Variants in NTRK2 observed in about 807,000 individuals in gnomAD.
The protein encoded by NTRK2 is BDNF/NT-3 growth factors receptor.
Under a neutral mutation model 94.5 loss-of-function variants are expected in NTRK2, and 13 were observed. The ratio of observed to expected loss-of-function variants is 0.14; its 90% CI spans 0.09 to 0.22. The LOEUF (loss-of-function observed/expected upper bound fraction) is 0.22, where lower values mean the gene tolerates loss of function less well. NTRK2 is among the 10% of genes least tolerant of loss of function. The pLI, the probability that NTRK2 is intolerant of heterozygous loss-of-function variation, is 1.00. For synonymous variants in NTRK2, 372 were observed against 407.4 expected (o/e 0.91, Z 1.05); for missense variants, 639 against 1,071.2 (o/e 0.60, Z 5.63).
intron 14 of NTRK2, among the ~76,000 whole-genome samples, chr9:84,904,961 G>A (rs1402605082): frequency 6.6e-6 from 1 of 152,102 alleles, no homozygotes; most frequent in South Asian, 2.1e-4. Flanking sequence ...GATCATTAAA[G>A]ATTTTTTTTC....
At chr9:84,894,290 G>C (rs1273714350) in intron 14 of NTRK2, among the ~76,000 whole-genome samples, 1 of 152,166 alleles carries the variant, frequency 6.6e-6, no homozygotes. Context: ...CACACGTGTA[G>C]TTTAACGCGA....
At chr9:84,980,848 C>G (rs1403387977) in intron 17 of NTRK2, among the ~76,000 whole-genome samples, 1 of 152,212 alleles carries the variant, frequency 6.6e-6, no homozygotes, top group Non-Finnish European at 1.5e-5. Context: ...GGAGTAAATG[C>G]ATAAACTGGG....
intron 9 of NTRK2, among the ~76,000 whole-genome samples, chr9:84,733,476 C>A (rs71506663): frequency 0.026 from 3,940 of 152,332 alleles, 75 homozygotes; most frequent in Admixed American, 0.046. Context: ...GGGTCCTGGG[C>A]TACCCCTTGC....
rs573188344 is a variant in NTRK2 at position 84,802,525 on chromosome 9, G to A, written c.1396+50440G>A. Among the ~76,000 whole-genome samples the A allele has an allele frequency of 2.0e-5, 3 of 152,352 alleles. No individual in the cohort carries two copies. The South Asian group carries it at 6.2e-4, about 32-fold the overall frequency. ...TGTTGAGCATTAGGAAAGACAGTGA[G>A]GTGGGATGACTTAGCAGCATGGGCT... On this transcript the variant is annotated intron_variant, in intron 12 of 18. Coordinates refer to ENST00000277120, the MANE Select transcript of NTRK2 (RefSeq NM_006180.6).
chr9:84,909,319 G>A (rs917707072), intron 14 of NTRK2, among the ~76,000 whole-genome samples: 7 of 152,082 alleles, frequency 4.6e-5, no homozygotes, highest in South Asian at 2.1e-4. Context: ...TTAACCATAC[G>A]CCTATTGAAG....
At chr9:84,969,547 A>T (rs1825947004) in intron 17 of NTRK2, among the ~76,000 whole-genome samples, 1 of 152,276 alleles carries the variant, frequency 6.6e-6, no homozygotes. Context: ...AAATGTTAAA[A>T]GGGTGACATA....
At chr9:84,794,382 A>C (rs1049335952) in intron 12 of NTRK2, among the ~76,000 whole-genome samples, 5 of 152,136 alleles carry the variant, frequency 3.3e-5, no homozygotes, top group Non-Finnish European at 7.3e-5. Flanking sequence ...CCTTTCTGGG[A>C]GACAGAGAGG....
chr9:84,708,059 T>A (rs2061215082), intron 5 of NTRK2, 147 bp downstream of exon 5: 1 of 665,770 alleles, frequency 1.5e-6, no homozygotes, highest in Non-Finnish European at 2.7e-6. Context: ...CTCTCAGTCT[T>A]TTATTCCTTC....
At chr9:84,928,614 G>T (rs1168019926) in intron 14 of NTRK2, among the ~76,000 whole-genome samples, 1 of 152,138 alleles carries the variant, frequency 6.6e-6, no homozygotes, top group East Asian at 1.9e-4. Flanking sequence ...TCCTAGCTGG[G>T]TCACCTTCTA....
At chr9:84,810,242 C>A (rs1233849331) in intron 12 of NTRK2, among the ~76,000 whole-genome samples, 1 of 152,200 alleles carries the variant, frequency 6.6e-6, no homozygotes, top group Non-Finnish European at 1.5e-5. Flanking sequence ...CTGCTAACAG[C>A]TGACACAGTT....
intron 12 of NTRK2, among the ~76,000 whole-genome samples, chr9:84,796,991 A>G (rs922522479): frequency 1.2e-4 from 19 of 152,336 alleles, no homozygotes; most frequent in African/African-American, 4.6e-4. Context: ...TTCTTTAAAT[A>G]TATTTCCTAA....
At position 84,840,027 on chromosome 9, in the gene NTRK2, C is replaced by T. The variant is rs140472260; in HGVS notation, c.1397-21013C>T. On this transcript the variant is annotated intron_variant, in intron 12 of 18. Coordinates refer to ENST00000277120, the MANE Select transcript of NTRK2 (RefSeq NM_006180.6). ...CATTCCTCGTTCTTTCCCTTTCTTC[C>T]TCCTCCTCCTCCTCCCTCCTTTCTT... Among the ~76,000 whole-genome samples, 311 of 151,752 alleles carry T rather than the reference C, an allele frequency of 2.0e-3. 1 individual carries two copies. The highest frequency in any genetic ancestry group is 7.2e-3 in the African/African-American group (300 of 41,414).
At chr9:84,907,033 G>T (rs910377058) in intron 14 of NTRK2, among the ~76,000 whole-genome samples, 16 of 152,172 alleles carry the variant, frequency 1.1e-4, no homozygotes, top group Admixed American at 6.5e-5. Flanking sequence ...GTAAATTACA[G>T]TGAGGGTCAC....
At chr9:84,758,461 G>A (rs1232493855) in intron 12 of NTRK2, among the ~76,000 whole-genome samples, 2 of 151,894 alleles carry the variant, frequency 1.3e-5, no homozygotes, top group Non-Finnish European at 2.9e-5. Flanking sequence ...GCATGATCTC[G>A]GCTCACCACA....
chr9:84,685,534 T>C (rs1204743984), intron 2 of NTRK2, among the ~76,000 whole-genome samples: 1 of 152,126 alleles, frequency 6.6e-6, no homozygotes, highest in Non-Finnish European at 1.5e-5. Context: ...TACACTTATA[T>C]AGCAAAGGCT....
chr9:84,974,459 G>A (rs555095270), intron 17 of NTRK2, among the ~76,000 whole-genome samples: 4 of 152,288 alleles, frequency 2.6e-5, no homozygotes, highest in African/African-American at 9.6e-5. Flanking sequence ...TTTTATAGAT[G>A]GTAATTTAGA....
In NTRK2 at chr9:84,871,280, G is replaced by A. The variant is rs141669797; in HGVS notation, c.1633+3849G>A. ...ATGGGCTAGTGAGGGCCATGCTGGA[G>A]TATGGGCCTGGTATTGACAGATACT... On this transcript the variant is annotated intron_variant, in intron 14 of 18. Transcript: ENST00000277120. 3.1e-3 allele frequency among the ~76,000 whole-genome samples: 467 copies of A among 152,322 alleles called. 1 individual carries two copies. Among genetic ancestry groups the A allele is most frequent in the Non-Finnish European group, 4.8e-3 (327 of 68,020 alleles).
At chr9:85,002,182 C>A (rs75161884) in intron 17 of NTRK2, among the ~76,000 whole-genome samples, 2,566 of 152,234 alleles carry the variant, frequency 0.017, 62 homozygotes, top group African/African-American at 0.058. Flanking sequence ...TTGCCTGCTT[C>A]CCTCCAGTTA....
At chr9:84,945,100 C>T (rs987678808) in intron 15 of NTRK2, among the ~76,000 whole-genome samples, 2 of 152,180 alleles carry the variant, frequency 1.3e-5, no homozygotes, top group African/African-American at 4.8e-5. Flanking sequence ...GCCAACTCTC[C>T]AGGAGAGAGT....
Sources: gnomAD v4.1 joint callset for allele counts (sites outside exome capture counted in the v4.1 genomes callset) on GRCh38, gnomAD v4.1.1 for gene constraint, MANE v1.5 for transcripts, NCBI Gene and HGNC (gene_info 2026-07-23, HGNC 2026-07-21) for gene names.